Variants in KIFAP3 observed in about 807,000 individuals in gnomAD.
The protein encoded by KIFAP3 is kinesin associated protein 3, also known as kinesin-associated protein 3.
KIFAP3 carries 68 observed loss-of-function variants against 106.5 expected under a neutral mutation model. That is an observed-to-expected ratio of 0.64 (90% CI 0.53 to 0.78). The LOEUF (loss-of-function observed/expected upper bound fraction) is 0.78, where lower values mean the gene tolerates loss of function less well. Among genes scored for constraint, KIFAP3 ranks in the 30% least tolerant of loss-of-function variants. The pLI is 0.00. For missense variants in KIFAP3, 780 were observed against 941.8 expected (o/e 0.83, Z 2.25); for synonymous variants, 320 against 311.5 (o/e 1.03, Z -0.29).
intron 1 of KIFAP3, among the ~76,000 whole-genome samples, chr1:170,062,878 G>GT (rs1163300785): frequency 6.6e-6 from 1 of 150,736 alleles, no homozygotes; most frequent in Non-Finnish European, 1.5e-5. Flanking sequence ...TTTATTTATA[G>GT]TCTTTTTTTT....
chr1:169,994,722 A>AT (rs1424087905), intron 10 of KIFAP3, among the ~76,000 whole-genome samples: 1 of 151,812 alleles, frequency 6.6e-6, no homozygotes, highest in South Asian at 2.1e-4. Context: ...TCTATTTTTA[A>AT]TTTTTCCCTA....
chr1:169,991,108 CG>C (rs1405572950), intron 11 of KIFAP3, among the ~76,000 whole-genome samples: 1 of 151,796 alleles, frequency 6.6e-6, no homozygotes, highest in African/African-American at 2.4e-5. Context: ...GGAGGACAAG[CG>C]GGGGAAGATT....
intron 10 of KIFAP3, among the ~76,000 whole-genome samples, chr1:170,001,600 G>A (rs1347573171): frequency 6.6e-6 from 1 of 152,058 alleles, no homozygotes; most frequent in Admixed American, 6.6e-5. Flanking sequence ...GGATAAATGA[G>A]GCCTATTAAA....
Position 169,978,434 on chromosome 1 carries a change from T to C in KIFAP3, c.1799-251A>G, listed in dbSNP as rs1449313837. Among the ~76,000 whole-genome samples the C allele has an allele frequency of 4.6e-5, 7 of 152,176 alleles. No homozygotes were observed. In the South Asian group the frequency reaches 8.3e-4, roughly 18 times the overall value. ...CTGGTTCTATTTTGTCTTTATAATG[T>C]TGACTTCTCAGGAGAAAAATAATTC... is the stretch of plus-strand genomic sequence containing the variant. On this transcript the variant is annotated intron_variant, in intron 15 of 19. Coordinates refer to ENST00000361580, the MANE Select transcript of KIFAP3 (RefSeq NM_014970.4).
intron 10 of KIFAP3, among the ~76,000 whole-genome samples, chr1:169,993,465 A>G (rs1667204269): frequency 6.6e-6 from 1 of 151,824 alleles, no homozygotes; most frequent in South Asian, 2.1e-4. Flanking sequence ...TTCAGTAAGT[A>G]TCTGCTGATT....
intron 17 of KIFAP3, among the ~76,000 whole-genome samples, chr1:169,961,619 A>G (rs1039188566): frequency 5.3e-5 from 8 of 152,020 alleles, no homozygotes; most frequent in Admixed American, 3.3e-4. Flanking sequence ...CCACTTATAC[A>G]CGGATTTTTG....
upstream of KIFAP3, among the ~76,000 whole-genome samples, chr1:170,077,470 C>T (rs141827365): frequency 4.5e-4 from 69 of 152,232 alleles, no homozygotes; most frequent in African/African-American, 1.7e-3. Flanking sequence ...AGTTGATGAA[C>T]TAGAACTTTA....
chr1:170,025,427 G>T (rs1669054270), intron 8 of KIFAP3, among the ~76,000 whole-genome samples: 1 of 151,914 alleles, frequency 6.6e-6, no homozygotes, highest in Non-Finnish European at 1.5e-5. Flanking sequence ...TTCACTTCAT[G>T]TATTCTTGCA....
chr1:170,078,365 T>C (rs921481560), upstream of KIFAP3, among the ~76,000 whole-genome samples: 1 of 152,200 alleles, frequency 6.6e-6, no homozygotes, highest in African/African-American at 2.4e-5. Flanking sequence ...TTGAATTCTC[T>C]TCAAATTTTT....
intron 10 of KIFAP3, among the ~76,000 whole-genome samples, chr1:170,010,433 T>C (rs1170580423): frequency 6.6e-6 from 1 of 152,012 alleles, no homozygotes; most frequent in Non-Finnish European, 1.5e-5. Flanking sequence ...GACAAAACAA[T>C]ATTAAAATAA....
In KIFAP3 at chr1:170,024,420, T is replaced by G. The variant is rs972860042; in HGVS notation, c.1018A>C (p.Met340Leu). Reference protein sequence around the residue: ...LSIFMENKNDMVEMDIVEKLV... With the variant: ...LSIFMENKNDLVEMDIVEKLV... ...CAAGAAAAAGCTTTGTAAGTTACCA[T>G]ATCATTTTTATTCTCCATAAAAATG... is the stretch of plus-strand genomic sequence containing the variant. Residue 340 changes from methionine (M) to leucine (L), a missense_variant and splice_region_variant, in exon 9 of 20, where the codon ATG becomes CTG. Met to Leu is a conservative substitution (Grantham distance 15, BLOSUM62 2). Coordinates refer to ENST00000361580, the MANE Select transcript of KIFAP3 (RefSeq NM_014970.4). The G allele has an allele frequency of 1.9e-6, 3 of 1,555,354 alleles. No homozygotes were observed. Among genetic ancestry groups the G allele is most frequent in the Non-Finnish European group, 2.6e-6 (3 of 1,148,746 alleles).
intron 2 of KIFAP3, among the ~76,000 whole-genome samples, chr1:170,049,938 C>A (rs915118273): frequency 2.6e-5 from 4 of 152,080 alleles, no homozygotes; most frequent in Non-Finnish European, 5.9e-5. Context: ...CTCTTCTCCT[C>A]CAAATGATCG....
Position 170,003,983 on chromosome 1 carries a change from CCTT to C in KIFAP3, c.1184-11731_1184-11729del, listed in dbSNP as rs368745546. Among the ~76,000 whole-genome samples, 458 of 152,234 alleles carry C rather than the reference CCTT, an allele frequency of 3.0e-3. 8 individuals are homozygous for C. In the South Asian group the frequency reaches 0.056, roughly 19 times the overall value. On this transcript the variant is annotated intron_variant, in intron 10 of 19. Coordinates refer to ENST00000361580, the MANE Select transcript of KIFAP3 (RefSeq NM_014970.4). ...ACCCCATTGTCTCAGCCCAAAATCT[CCTT>C]AAGCTGATAAGCAACTTCAGCAAAG...
chr1:169,961,858 C>A (rs1482658121), intron 17 of KIFAP3, among the ~76,000 whole-genome samples: 1 of 152,048 alleles, frequency 6.6e-6, no homozygotes, highest in Non-Finnish European at 1.5e-5. Context: ...ATGTGTTAAT[C>A]AACTGTTTAT....
At chr1:170,069,096 C>G (rs1275782303) in intron 1 of KIFAP3, among the ~76,000 whole-genome samples, 1 of 150,776 alleles carries the variant, frequency 6.6e-6, no homozygotes, top group East Asian at 1.9e-4. Context: ...ATAATATGAA[C>G]ACCAACAAAT....
chr1:170,058,438 A>G (rs552692497), intron 1 of KIFAP3, among the ~76,000 whole-genome samples: 1 of 152,246 alleles, frequency 6.6e-6, no homozygotes, highest in South Asian at 2.1e-4. Flanking sequence ...TACTTGAAAA[A>G]TACCCAATAT....
intron 15 of KIFAP3, among the ~76,000 whole-genome samples, 169 bp from the exon 16 acceptor site, chr1:169,978,352 C>T (rs541254332): frequency 3.3e-5 from 5 of 152,008 alleles, no homozygotes; most frequent in Admixed American, 1.3e-4. Context: ...ACAGTTATCA[C>T]CACTTGTTTT....
At chr1:170,079,225 C>A (rs574894125), upstream of KIFAP3, among the ~76,000 whole-genome samples, 2 of 152,118 alleles carry the variant, frequency 1.3e-5, no homozygotes, top group Admixed American at 6.5e-5. Flanking sequence ...GCACCTCCCC[C>A]ACCTCTTGCC....
chr1:169,978,429 T>C (rs988243830), intron 15 of KIFAP3, among the ~76,000 whole-genome samples: 5 of 152,056 alleles, frequency 3.3e-5, no homozygotes, highest in African/African-American at 4.8e-5. Context: ...TTTGTCTTTA[T>C]AATGTTGACT....
Sources: allele counts gnomAD v4.1 joint callset (sites outside exome capture counted in the v4.1 genomes callset), GRCh38; gene constraint gnomAD v4.1.1; transcripts MANE v1.5; gene names NCBI Gene and HGNC (gene_info 2026-07-23, HGNC 2026-07-21).